PKNOX2: variants seen among roughly 807,000 people sequenced by gnomAD.
The protein encoded by PKNOX2 is homeobox protein PKNOX2.
A neutral mutation model predicts 53.1 loss-of-function variants in PKNOX2; 14 were observed. That is an observed-to-expected ratio of 0.26 (90% CI 0.17 to 0.41). The LOEUF (loss-of-function observed/expected upper bound fraction) is 0.41, where lower values mean the gene tolerates loss of function less well. PKNOX2 is among the 10% of genes least tolerant of loss of function. PKNOX2 has a pLI of 1.00. For synonymous variants in PKNOX2, 257 were observed against 242.8 expected (o/e 1.06, Z -0.54); for missense variants, 496 against 602.8 (o/e 0.82, Z 1.85).
rs144864025 is a variant in PKNOX2, at chr11:125,400,192, G to C, written c.588+2130G>C. On this transcript the variant is annotated intron_variant, in intron 7 of 12. Coordinates refer to ENST00000298282, the MANE Select transcript of PKNOX2 (RefSeq NM_001382323.2). Reference sequence around the variant, plus strand: ...TGGGGGAGGGGGTGATGCAAGCGAGGCACTGAGAAAGAGAAAAGACACTAG... The same window carrying C: ...TGGGGGAGGGGGTGATGCAAGCGAGCCACTGAGAAAGAGAAAAGACACTAG... Among the ~76,000 whole-genome samples, 582 of 152,206 alleles carry C rather than the reference G, an allele frequency of 3.8e-3. 2 individuals are homozygous for C. The highest frequency in any genetic ancestry group is 0.013 in the African/African-American group (555 of 41,514).
In PKNOX2 at chr11:125,183,645, CT is replaced by C. The variant is rs745431594; in HGVS notation, c.-201+18880del. Among the ~76,000 whole-genome samples the C allele has an allele frequency of 7.4e-3, 1,093 of 147,416 alleles. 8 individuals are homozygous for C. The highest frequency in any genetic ancestry group is 0.024 in the African/African-American group (962 of 40,462). ...AAGACACTGACTCTTTTTTTATTAA[CT>C]TTTTTTTTTTGCATTGACTCTTTTA... On this transcript the variant is annotated intron_variant, in intron 1 of 12. Coordinates refer to ENST00000298282, the MANE Select transcript of PKNOX2 (RefSeq NM_001382323.2).
At position 125,240,838 on chromosome 11, in the gene PKNOX2, C is replaced by A. The variant is rs1943087285; in HGVS notation, c.-130+5723C>A. 6.6e-6 allele frequency among the ~76,000 whole-genome samples: 1 copy of A among 152,142 alleles called. No individual in the cohort carries two copies. The highest frequency in any genetic ancestry group is 6.5e-5 in the Admixed American group (1 of 15,286). On this transcript the variant is annotated intron_variant, in intron 2 of 12. Coordinates refer to ENST00000298282, the MANE Select transcript of PKNOX2 (RefSeq NM_001382323.2). The surrounding 1 kb of genome is among the most constrained non-coding windows in gnomAD (Gnocchi z 4.3). ...CCTCTTGCCTTTGCAGTTAGCCAGC[C>A]AAGCTGGCTCTTCAGAGAGGAAAAA... is the stretch of plus-strand genomic sequence containing the variant.
intron 2 of PKNOX2, among the ~76,000 whole-genome samples, chr11:125,293,816 C>T (rs1947478462): frequency 6.6e-6 from 1 of 152,038 alleles, no homozygotes; most frequent in Non-Finnish European, 1.5e-5. Context: ...CACACACTCA[C>T]ACACACTCAC....
chr11:125,222,700 G>GTGTGTA (rs1941310867), intron 1 of PKNOX2, among the ~76,000 whole-genome samples: 2 of 145,192 alleles, frequency 1.4e-5, no homozygotes, highest in Admixed American at 6.8e-5. Context: ...GTGTGTATGT[G>GTGTGTA]TGTGTGTGCT....
intron 1 of PKNOX2, among the ~76,000 whole-genome samples, chr11:125,224,908 T>C (rs1279791552): frequency 6.6e-6 from 1 of 152,202 alleles, no homozygotes; most frequent in Non-Finnish European, 1.5e-5. Context: ...GGAAGTGCCG[T>C]GGTGCCCTTT....
intron 2 of PKNOX2, among the ~76,000 whole-genome samples, chr11:125,307,446 T>C (rs1279682754): frequency 1.3e-5 from 2 of 152,032 alleles, no homozygotes; most frequent in African/African-American, 2.4e-5. Flanking sequence ...AATCCCCAGC[T>C]ACTCAGGAGG....
At chr11:125,251,551 A>G (rs987158137) in intron 2 of PKNOX2, among the ~76,000 whole-genome samples, 3 of 152,052 alleles carry the variant, frequency 2.0e-5, no homozygotes, top group African/African-American at 7.2e-5. Flanking sequence ...ATTTAAAGAA[A>G]GTTTATGAAA....
intron 4 of PKNOX2, among the ~76,000 whole-genome samples, chr11:125,354,144 T>C (rs1269197407): frequency 6.6e-6 from 1 of 152,194 alleles, no homozygotes; most frequent in African/African-American, 2.4e-5. Flanking sequence ...TTCTTCCCTT[T>C]ATCTTTTCGA....
intron 2 of PKNOX2, among the ~76,000 whole-genome samples, chr11:125,287,144 C>G (rs1039839601): frequency 9.9e-5 from 15 of 152,230 alleles, no homozygotes; most frequent in African/African-American, 3.6e-4. Flanking sequence ...TTTATTATCC[C>G]CATTTTGTAG....
intron 2 of PKNOX2, among the ~76,000 whole-genome samples, chr11:125,318,409 C>A (rs1286453081): frequency 6.6e-6 from 1 of 152,076 alleles, no homozygotes; most frequent in Non-Finnish European, 1.5e-5. Context: ...GTGTGAGCCA[C>A]TGTGCCCTGC....
intron 2 of PKNOX2, among the ~76,000 whole-genome samples, chr11:125,237,361 A>G (rs751194976): frequency 1.3e-5 from 2 of 152,250 alleles, no homozygotes; most frequent in African/African-American, 4.8e-5. Context: ...TAGGTTTAAG[A>G]GAAGGGAACA....
chr11:125,184,984 C>T (rs936399181), intron 1 of PKNOX2, among the ~76,000 whole-genome samples: 10 of 152,186 alleles, frequency 6.6e-5, no homozygotes, highest in Non-Finnish European at 2.9e-5. Context: ...GGACAAGTGC[C>T]CCAGGCAGGT....
intron 2 of PKNOX2, among the ~76,000 whole-genome samples, chr11:125,328,704 A>G (rs2136098221): frequency 6.6e-6 from 1 of 152,240 alleles, no homozygotes; most frequent in African/African-American, 2.4e-5. Context: ...TACTGCAGGC[A>G]CTCTCTTTGG....
chr11:125,312,928 T>G (rs1054117808), intron 2 of PKNOX2, among the ~76,000 whole-genome samples: 3 of 151,970 alleles, frequency 2.0e-5, no homozygotes, highest in Non-Finnish European at 1.5e-5. Flanking sequence ...AAAACAGCAT[T>G]TAAAGATGAA....
At chr11:125,239,209 T>C (rs1942969144) in intron 2 of PKNOX2, among the ~76,000 whole-genome samples, 2 of 152,252 alleles carry the variant, frequency 1.3e-5, no homozygotes, top group East Asian at 3.8e-4. Context: ...ATTGATATTT[T>C]AATAATACAC....
At chr11:125,221,512 C>T (rs1941150119) in intron 1 of PKNOX2, among the ~76,000 whole-genome samples, 1 of 152,164 alleles carries the variant, frequency 6.6e-6, no homozygotes, top group African/African-American at 2.4e-5. Context: ...GAGCTAACCG[C>T]AGCCACGCCG....
intron 5 of PKNOX2, among the ~76,000 whole-genome samples, chr11:125,378,971 TTTG>T (rs1191798123): frequency 6.9e-6 from 1 of 145,698 alleles, no homozygotes; most frequent in African/African-American, 2.8e-5. Flanking sequence ...GGAAGAAATG[TTTG>T]TTTTTTTTTT....
intron 1 of PKNOX2, among the ~76,000 whole-genome samples, chr11:125,219,332 G>C (rs772317154): frequency 5.3e-5 from 8 of 152,026 alleles, no homozygotes; most frequent in Non-Finnish European, 8.8e-5. Flanking sequence ...CAGCTACTTT[G>C]TAGGCTGAGG....
intron 2 of PKNOX2, among the ~76,000 whole-genome samples, chr11:125,263,678 A>T (rs182812731): frequency 1.3e-5 from 2 of 152,358 alleles, no homozygotes; most frequent in East Asian, 3.9e-4. Flanking sequence ...GAACGTGGCT[A>T]TCTCAGTCCG....
Sources: gnomAD v4.1 joint callset for allele counts (sites outside exome capture counted in the v4.1 genomes callset) on GRCh38, gnomAD v4.1.1 for gene constraint, Gnocchi (gnomAD v3.1) non-coding constraint, MANE v1.5 for transcripts, NCBI Gene and HGNC (gene_info 2026-07-23, HGNC 2026-07-21) for gene names.